Variants in PPIE observed in about 807,000 individuals in gnomAD.
PPIE encodes peptidylprolyl isomerase E.
PPIE carries 20 observed loss-of-function variants against 38.4 expected under a neutral mutation model. The ratio of observed to expected loss-of-function variants is 0.52; its 90% confidence interval spans 0.37 to 0.76. The LOEUF is 0.76. Ranked by LOEUF, PPIE falls within the 30% of genes least tolerant of loss-of-function variation. PPIE has a pLI of 0.00. For synonymous variants in PPIE, 142 were observed against 135.7 expected (o/e 1.05, Z -0.32); for missense variants, 322 against 385.8 (o/e 0.83, Z 1.39).
At position 39,752,982 on chromosome 1, in the gene PPIE, ACTGG is replaced by A; in HGVS notation, c.772_775del (p.Leu258MetfsTer14). On this transcript the variant is annotated frameshift_variant, in exon 9 of 10. Transcript: ENST00000324379. LOFTEE classifies it high-confidence loss of function. ...TTCTTCCTGACATGTGACAAGACAG[ACTGG>A]CTGGATGGCAAGCATGTGGTGTTTG... 1 of 1,614,228 alleles carries A rather than the reference ACTGG, an allele frequency of 6.2e-7. No individual in the cohort carries two copies. Among genetic ancestry groups the A allele is most frequent in the Non-Finnish European group, 8.5e-7 (1 of 1,180,046 alleles).
Position 39,756,171 on chromosome 1 carries a change from C to A in PPIE, c.*2816C>A, listed in dbSNP as rs984300445. On this transcript the variant is annotated 3_prime_UTR_variant, in exon 10 of 10. Transcript: ENST00000324379. Reference sequence around the variant, plus strand: ...ATGCAGCAGCTGCACCTGGCTGCCTCGGGAAAACTCTGACCTCTCTGGGAA... The same window carrying A: ...ATGCAGCAGCTGCACCTGGCTGCCTAGGGAAAACTCTGACCTCTCTGGGAA... The A allele has an allele frequency of 8.1e-6, 8 of 985,308 alleles. No individual in the cohort carries two copies. The African/African-American group carries it at 1.4e-4, about 17-fold the overall frequency. The allele number at this position is 985,308 out of a possible 1,614,324, so 61.0% of individuals were successfully genotyped here. A position where few individuals can be genotyped will look rare whatever the true frequency, so the allele number is the denominator to read the frequency against.
chr1:39,761,261 C>T (rs1648924343), downstream of PPIE: 1 of 152,768 alleles, frequency 6.5e-6, no homozygotes, highest in African/African-American at 2.4e-5. Context: ...CCTGGGAGGC[C>T]TCCTGGATGA....
At chr1:39,739,767 CA>C (rs1404033817) in intron 1 of PPIE, among the ~76,000 whole-genome samples, 1 of 152,030 alleles carries the variant, frequency 6.6e-6, no homozygotes, top group Admixed American at 6.5e-5. Flanking sequence ...GGAAGCAAAG[CA>C]AAAAAGCTGG....
chr1:39,743,727 A>G lies in PPIE; in HGVS notation c.284-97A>G, dbSNP rs565047018. 2.2e-5 allele frequency: 20 copies of G among 917,132 alleles called. No homozygotes were observed. In the East Asian group the frequency reaches 4.9e-4, roughly 23 times the overall value. The allele number at this position is 917,132 out of a possible 1,614,324, so 56.8% of individuals were successfully genotyped here. ...CTCAGTGGGGAATTGTCTGGCATACAGGCCACATAGCATCTTCCACTTTGC... is the reference window on the plus strand; with the variant it reads ...CTCAGTGGGGAATTGTCTGGCATACGGGCCACATAGCATCTTCCACTTTGC... On this transcript the variant is annotated intron_variant, in intron 5 of 9. Coordinates refer to ENST00000324379, the MANE Select transcript of PPIE (RefSeq NM_006112.4).
At position 39,738,918 on chromosome 1, in the gene PPIE, C is replaced by T. The variant is rs774886875; in HGVS notation, c.18C>T (p.Arg6=). ...CGAGCAAGATGGCCACCACCAAGCG[C>T]GTCTTGTACGTGGGTGAGCAGGAGG... The part of the protein sequence containing the change: MATTK[R]VLYVGGLAEE... Residue 6 remains arginine, a synonymous_variant, in exon 1 of 10, where the codon CGC becomes CGT. Coordinates refer to ENST00000324379, the MANE Select transcript of PPIE (RefSeq NM_006112.4). 6 of 1,500,054 alleles carry T rather than the reference C, an allele frequency of 4.0e-6. No homozygotes were observed. Among genetic ancestry groups the T allele is most frequent in the Non-Finnish European group, 3.6e-6 (4 of 1,125,982 alleles). 92.9% of individuals were successfully genotyped at this position (1,500,054 alleles called of 1,614,324 possible). A position where few individuals can be genotyped will look rare whatever the true frequency, so the allele number is the denominator to read the frequency against.
rs1647979711 is a variant in PPIE at position 39,753,545 on chromosome 1, T to C, written c.*190T>C. ...AGCCTGGACTATTCCCAGGCACAGCTGTGGGCCCAGGAGCCAGCTCAGGTG... is the reference window on the plus strand; with the variant it reads ...AGCCTGGACTATTCCCAGGCACAGCCGTGGGCCCAGGAGCCAGCTCAGGTG... On this transcript the variant is annotated 3_prime_UTR_variant, in exon 10 of 10. Transcript: ENST00000324379. 7.1e-7 allele frequency: 1 copy of C among 1,400,454 alleles called. No homozygotes were observed. The highest frequency in any genetic ancestry group is 9.2e-7 in the Non-Finnish European group (1 of 1,083,036). 86.8% of individuals were successfully genotyped at this position (1,400,454 alleles called of 1,614,324 possible).
At chr1:39,745,284 A>G in intron 6 of PPIE, 91 bp from the exon 7 acceptor site, 1 of 1,540,076 alleles carries the variant, frequency 6.5e-7, no homozygotes. Flanking sequence ...TACGCACTGG[A>G]GTTGTGTTCT....
Position 39,754,638 on chromosome 1 carries a change from G to A in PPIE, c.*1283G>A, listed in dbSNP as rs1026301324. On this transcript the variant is annotated 3_prime_UTR_variant, in exon 10 of 10. Transcript: ENST00000324379. The stretch of plus-strand genomic sequence containing the variant: ...CACTATTGGGAGGCTGAGGCAGGAG[G>A]ATCACTTGAGCCCAGGAGTTCAAGA... 3.9e-5 allele frequency among the ~76,000 whole-genome samples: 6 copies of A among 152,132 alleles called. No individual in the cohort carries two copies. The highest frequency in any genetic ancestry group is 1.4e-4 in the African/African-American group (6 of 41,434).
chr1:39,763,300 A>G (rs559274197), intron 9 of PPIE: 15 of 1,223,938 alleles, frequency 1.2e-5, no homozygotes, highest in East Asian at 1.2e-4. Context: ...GTCTCCCCCA[A>G]GAGGCTTGAA....
chr1:39,755,641 C>T lies in PPIE; in HGVS notation c.*2286C>T. On this transcript the variant is annotated 3_prime_UTR_variant, in exon 10 of 10. Coordinates refer to ENST00000324379, the MANE Select transcript of PPIE (RefSeq NM_006112.4). ...AGTGTGTAGAAAAAGCACAGCCAGC[C>T]TCCCATAAAAGGACAGACTCCTGTG... 5.1e-6 allele frequency: 5 copies of T among 985,402 alleles called. No individual in the cohort carries two copies. The South Asian group carries it at 2.3e-4, about 46-fold the overall frequency. The allele number at this position is 985,402 out of a possible 1,614,324, so 61.0% of individuals were successfully genotyped here.
chr1:39,757,393 T>C (rs1648397241), downstream of PPIE: 1 of 152,230 alleles, frequency 6.6e-6, no homozygotes, highest in Admixed American at 6.5e-5. Flanking sequence ...AGGATTCAAA[T>C]CTATTTGGCA....
downstream of PPIE, among the ~76,000 whole-genome samples, chr1:39,761,753 G>A (rs1405880995): frequency 2.6e-5 from 4 of 152,260 alleles, no homozygotes; most frequent in Admixed American, 6.5e-5. Flanking sequence ...CCCTCCTTCT[G>A]TGGAGAGGCC....
At position 39,740,224 on chromosome 1, in the gene PPIE, G is replaced by A; in HGVS notation, c.91G>A (p.Asp31Asn). The A allele has an allele frequency of 6.2e-7, 1 of 1,614,190 alleles. No homozygotes were observed. The highest frequency in any genetic ancestry group is 1.3e-5 in the African/African-American group (1 of 75,056). Residue 31 changes from aspartate (D) to asparagine (N), a missense_variant, in exon 2 of 10, where the codon GAC becomes AAC. Asp to Asn is a conservative substitution (Grantham distance 23). Coordinates refer to ENST00000324379, the MANE Select transcript of PPIE (RefSeq NM_006112.4). ...TCATGCTGCGTTCATTCCTTTTGGAGACATCACAGATATTCAGATTCCTCT... is the reference window on the plus strand; with the variant it reads ...TCATGCTGCGTTCATTCCTTTTGGAAACATCACAGATATTCAGATTCCTCT... Reference protein sequence around the residue: ...VLHAAFIPFGDITDIQIPLDY... With the variant: ...VLHAAFIPFGNITDIQIPLDY...
intron 3 of PPIE, 41 bp downstream of exon 3, chr1:39,741,450 ATGT>A (rs764487752): frequency 1.9e-6 from 3 of 1,599,838 alleles, no homozygotes; most frequent in African/African-American, 1.3e-5. Context: ...TTGGTTTGTG[ATGT>A]TGTTACTGAT....
rs190970140 is a variant in PPIE at position 39,748,710 on chromosome 1, G to A, written c.509-193G>A. 1.9e-4 allele frequency: 108 copies of A among 573,970 alleles called. No homozygotes were observed. The East Asian group carries it at 3.0e-3, about 16-fold the overall frequency. The allele number at this position is 573,970 out of a possible 1,614,324, so 35.6% of individuals were successfully genotyped here. On this transcript the variant is annotated intron_variant, in intron 7 of 9. Coordinates refer to ENST00000324379, the MANE Select transcript of PPIE (RefSeq NM_006112.4). The stretch of plus-strand genomic sequence containing the variant: ...AGATTGTGCCATTGCACTGCAGCAT[G>A]GGCAACAAGAGTGAAACTCCGTCTC...
At position 39,755,852 on chromosome 1, in the gene PPIE, G is replaced by T. The variant is rs1234183034; in HGVS notation, c.*2497G>T. ...ACAGGTAAACTGAGGCTTTATTGGC[G>T]TGACTGCCAAAGGTCACACAGGGTG... On this transcript the variant is annotated 3_prime_UTR_variant, in exon 10 of 10. Transcript: ENST00000324379. The T allele has an allele frequency of 8.1e-6, 8 of 985,280 alleles. No homozygotes were observed. Among genetic ancestry groups the T allele is most frequent in the Non-Finnish European group, 9.6e-6 (8 of 829,910 alleles). 61.0% of individuals were successfully genotyped at this position (985,280 alleles called of 1,614,324 possible). A position where few individuals can be genotyped will look rare whatever the true frequency, so the allele number is the denominator to read the frequency against.
In PPIE at chr1:39,753,572, T is replaced by C. The variant is rs1647982867; in HGVS notation, c.*217T>C. ...TGGGCCCAGGAGCCAGCTCAGGTGC[T>C]CCCCTCCACCATGGGCAGGCTGTGC... is the stretch of plus-strand genomic sequence containing the variant. On this transcript the variant is annotated 3_prime_UTR_variant, in exon 10 of 10. Transcript: ENST00000324379. 1 of 1,378,484 alleles carries C rather than the reference T, an allele frequency of 7.3e-7. No homozygotes were observed. Among genetic ancestry groups the C allele is most frequent in the Non-Finnish European group, 9.3e-7 (1 of 1,071,496 alleles). The allele number at this position is 1,378,484 out of a possible 1,614,324, so 85.4% of individuals were successfully genotyped here.
At chr1:39,740,089 C>G in intron 1 of PPIE, 76 bp from the exon 2 acceptor site, 1 of 1,141,350 alleles carries the variant, frequency 8.8e-7, no homozygotes, top group Admixed American at 1.8e-5. Flanking sequence ...CCCTGGCTAG[C>G]ATGCTAACTG....
At position 39,753,867 on chromosome 1, in the gene PPIE, A is replaced by G. The variant is rs562150781; in HGVS notation, c.*512A>G. On this transcript the variant is annotated 3_prime_UTR_variant, in exon 10 of 10. Transcript: ENST00000324379. The stretch of plus-strand genomic sequence containing the variant: ...ATGTCAGGTGATGTATCTTCACACC[A>G]GGCATCGATGTCAGGGCAACGGAAA... The G allele has an allele frequency of 1.0e-6, 1 of 985,318 alleles. No individual in the cohort carries two copies. Among genetic ancestry groups the G allele is most frequent in the South Asian group, 4.7e-5 (1 of 21,268 alleles). The allele number at this position is 985,318 out of a possible 1,614,324, so 61.0% of individuals were successfully genotyped here. A position where few individuals can be genotyped will look rare whatever the true frequency, so the allele number is the denominator to read the frequency against.
Sources: gnomAD v4.1 joint callset for allele counts (sites outside exome capture counted in the v4.1 genomes callset) on GRCh38, gnomAD v4.1.1 for gene constraint, MANE v1.5 for transcripts, NCBI Gene and HGNC (gene_info 2026-07-23, HGNC 2026-07-21) for gene names.